Variants in TENM4 observed in about 807,000 individuals in gnomAD.
The protein encoded by TENM4 is teneurin-4.
Under a neutral mutation model 243.3 loss-of-function variants are expected in TENM4, and 82 were observed. That is an observed-to-expected ratio of 0.34 (90% confidence interval 0.28 to 0.40). TENM4 has a LOEUF of 0.40. Among genes scored for constraint, TENM4 ranks in the 10% least tolerant of loss-of-function variants. The pLI is 1.00. For missense variants in TENM4, 3,138 were observed against 3,673.3 expected, an observed-to-expected ratio of 0.85 and a Z score of 3.77; for synonymous variants, 1,412 against 1,456.3, an observed-to-expected ratio of 0.97 and a Z score of 0.69.
chr11:78,731,666 G>T (rs538932193), intron 21 of TENM4, among the ~76,000 whole-genome samples: 1 of 152,304 alleles, frequency 6.6e-6, no homozygotes, highest in South Asian at 2.1e-4. Flanking sequence ...TTTGTTAGGT[G>T]AAAATATCTA....
At position 78,814,361 on chromosome 11, in the gene TENM4, G is replaced by T. The variant is rs1266603134; in HGVS notation, c.1716C>A (p.Gly572=). The T allele has an allele frequency of 1.3e-6, 2 of 1,549,988 alleles. No homozygotes were observed. The highest frequency in any genetic ancestry group is 2.7e-5 in the African/African-American group (2 of 72,848). The part of the protein sequence containing the change: ...SVDNCPSNCY[G]NGDCISGTCH... ...AGGTCCCAGAGATGCAGTCACCATT[G>T]CCATAGCAGTTGCTGGGGCAGTTAT... The change falls in exon 13 of 34, where the codon GGC becomes GGA. Residue 572 remains glycine, a synonymous_variant. Coordinates refer to ENST00000278550, the MANE Select transcript of TENM4 (RefSeq NM_001098816.3).
At chr11:79,183,629 G>A (rs1406109230) in intron 3 of TENM4, among the ~76,000 whole-genome samples, 4 of 152,108 alleles carry the variant, frequency 2.6e-5, no homozygotes, top group Non-Finnish European at 4.4e-5. Flanking sequence ...ATGTGGCAAG[G>A]TTGTGTGTGT....
At position 79,441,000 on chromosome 11, in the gene TENM4, ACACG is replaced by A; in HGVS notation, c.-816_-813del. ...GCGAGCGAGAGAGAGACACACACAC[ACACG>A]CACACGCACACGCAGGTTACATGAA... On this transcript the variant is annotated 5_prime_UTR_variant, in exon 1 of 34. Coordinates refer to ENST00000278550, the MANE Select transcript of TENM4 (RefSeq NM_001098816.3). The surrounding 1 kb of genome is among the most constrained non-coding windows in gnomAD (Gnocchi z 4.7). 6.5e-6 allele frequency: 1 copy of A among 153,184 alleles called. No individual in the cohort carries two copies. The highest frequency in any genetic ancestry group is 1.4e-5 in the Non-Finnish European group (1 of 69,004). The allele number at this position is 153,184 out of a possible 1,614,324, so 9.5% of individuals were successfully genotyped here.
At chr11:78,905,192 T>G (rs1856035710) in intron 6 of TENM4, among the ~76,000 whole-genome samples, 1 of 152,256 alleles carries the variant, frequency 6.6e-6, no homozygotes, top group Admixed American at 6.5e-5. Flanking sequence ...TAGAGGAGAC[T>G]AAGAATCAGA....
chr11:79,094,090 G>A (rs1475941498), intron 4 of TENM4, among the ~76,000 whole-genome samples: 2 of 152,182 alleles, frequency 1.3e-5, no homozygotes, highest in Non-Finnish European at 2.9e-5. Flanking sequence ...ATGGCGGAAG[G>A]TTCCACTGGA....
intron 3 of TENM4, among the ~76,000 whole-genome samples, chr11:79,198,918 T>A (rs535980590): frequency 2.9e-4 from 44 of 152,184 alleles, no homozygotes; most frequent in African/African-American, 1.0e-3. Context: ...AGAGCAGCCC[T>A]CTCTGAGGAA....
intron 3 of TENM4, among the ~76,000 whole-genome samples, chr11:79,178,048 G>A (rs914263517): frequency 6.6e-6 from 1 of 152,138 alleles, no homozygotes; most frequent in Non-Finnish European, 1.5e-5. Context: ...GTGTGAAGGT[G>A]AAAGGAAGTA....
intron 8 of TENM4, 65 bp downstream of exon 8, chr11:78,891,173 C>G (rs1416968409): frequency 6.9e-7 from 1 of 1,450,242 alleles, no homozygotes; most frequent in East Asian, 2.5e-5. Context: ...GTCTCAGGGT[C>G]TGCATGCAAG....
At chr11:79,219,408 T>C (rs964695118) in intron 2 of TENM4, among the ~76,000 whole-genome samples, 1 of 152,150 alleles carries the variant, frequency 6.6e-6, no homozygotes, top group African/African-American at 2.4e-5. Context: ...TCTAGGAAGA[T>C]GAATGTGGCA....
At chr11:79,327,220 A>G (rs1291560981) in intron 1 of TENM4, among the ~76,000 whole-genome samples, 1 of 152,256 alleles carries the variant, frequency 6.6e-6, no homozygotes, top group Non-Finnish European at 1.5e-5. Flanking sequence ...GATAATTTTA[A>G]TGGATACAGT....
At chr11:79,301,680 C>T (rs928680260) in intron 1 of TENM4, among the ~76,000 whole-genome samples, 5 of 152,180 alleles carry the variant, frequency 3.3e-5, no homozygotes, top group African/African-American at 7.2e-5. Flanking sequence ...ATGCCACAGG[C>T]GGGGCCTAGT....
At chr11:78,996,029 T>G (rs1031761737) in intron 6 of TENM4, among the ~76,000 whole-genome samples, 1 of 152,100 alleles carries the variant, frequency 6.6e-6, no homozygotes, top group Non-Finnish European at 1.5e-5. Context: ...CTGATTTACG[T>G]GGAGAGAAGA....
Position 79,000,907 on chromosome 11 carries a change from T to C in TENM4, c.493+63831A>G, listed in dbSNP as rs561028092. Among the ~76,000 whole-genome samples the C allele has an allele frequency of 2.0e-5, 3 of 152,332 alleles. No homozygotes were observed. The South Asian group carries it at 6.2e-4, about 32-fold the overall frequency. On this transcript the variant is annotated intron_variant, in intron 6 of 33. Transcript: ENST00000278550. ...TTAGCCAGGCCTGGTGGCATATGCCTGTAGTCCCAGCTACTTGGGAGGCTG... is the reference window on the plus strand; with the variant it reads ...TTAGCCAGGCCTGGTGGCATATGCCCGTAGTCCCAGCTACTTGGGAGGCTG...
intron 3 of TENM4, among the ~76,000 whole-genome samples, chr11:79,197,947 G>T (rs1590787348): frequency 6.6e-6 from 1 of 152,170 alleles, no homozygotes; most frequent in Non-Finnish European, 1.5e-5. Context: ...TGGAACACAG[G>T]CTCAGGGCAT....
At chr11:79,334,125 T>A (rs483793) in intron 1 of TENM4, among the ~76,000 whole-genome samples, 46 of 152,268 alleles carry the variant, frequency 3.0e-4, no homozygotes, top group Non-Finnish European at 5.9e-4. Flanking sequence ...ACAAAGTAAA[T>A]GGAATGAGAG....
intron 1 of TENM4, among the ~76,000 whole-genome samples, chr11:79,346,644 C>G (rs558263773): frequency 8.1e-4 from 123 of 152,266 alleles, no homozygotes; most frequent in Non-Finnish European, 1.2e-3. Flanking sequence ...GTGTCAGTCA[C>G]CTGCTTTCAT....
intron 6 of TENM4, among the ~76,000 whole-genome samples, chr11:79,046,113 G>A (rs1859649712): frequency 6.6e-6 from 1 of 152,200 alleles, no homozygotes; most frequent in Non-Finnish European, 1.5e-5. Context: ...TCTCAGGCAG[G>A]AATCTTCCCT....
At chr11:78,984,339 G>A (rs562798446) in intron 6 of TENM4, among the ~76,000 whole-genome samples, 159 of 152,286 alleles carry the variant, frequency 1.0e-3, no homozygotes, top group African/African-American at 3.5e-3. Flanking sequence ...CTTCTCTGAA[G>A]GGCTAGATAC....
At chr11:78,739,018 A>C (rs1305796505) in intron 19 of TENM4, among the ~76,000 whole-genome samples, 1 of 151,882 alleles carries the variant, frequency 6.6e-6, no homozygotes, top group Non-Finnish European at 1.5e-5. Context: ...GGTAAGCTCC[A>C]CAAATGACAA....
Sources: allele counts gnomAD v4.1 joint callset (sites outside exome capture counted in the v4.1 genomes callset), GRCh38; gene constraint gnomAD v4.1.1; non-coding constraint Gnocchi (gnomAD v3.1); transcripts MANE v1.5; gene names NCBI Gene and HGNC (gene_info 2026-07-23, HGNC 2026-07-21).